The following GABRB2 variants were observed in gnomAD, a reference collection of about 807,000 sequenced individuals.
GABRB2 encodes gamma-aminobutyric acid receptor subunit beta-2.
In GABRB2, 16 loss-of-function variants were observed where a neutral mutation model predicts 54.7. The ratio of observed to expected loss-of-function variants is 0.29; its 90% CI spans 0.20 to 0.44. The LOEUF is 0.44. Among genes scored for constraint, GABRB2 ranks in the 20% least tolerant of loss-of-function variants. The pLI, the probability that GABRB2 is intolerant of heterozygous loss-of-function variation, is 1.00. For missense variants in GABRB2, 355 were observed against 644.0 expected, an observed-to-expected ratio of 0.55 and a Z score of 4.86; for synonymous variants, 244 against 233.8, an observed-to-expected ratio of 1.04 and a Z score of -0.40.
intron 5 of GABRB2, among the ~76,000 whole-genome samples, chr5:161,364,103 G>A (rs1447753773): frequency 6.6e-6 from 1 of 152,068 alleles, no homozygotes; most frequent in African/African-American, 2.4e-5. Context: ...ACATGTGCAA[G>A]TTATAGTATT....
intron 5 of GABRB2, among the ~76,000 whole-genome samples, chr5:161,352,017 T>C (rs531147396): frequency 6.6e-6 from 1 of 152,138 alleles, no homozygotes; most frequent in South Asian, 2.1e-4. Context: ...ACTTCATGCC[T>C]GTTAGGATGG....
At chr5:161,496,658 A>T (rs1759258312) in intron 3 of GABRB2, among the ~76,000 whole-genome samples, 1 of 152,080 alleles carries the variant, frequency 6.6e-6, no homozygotes, top group South Asian at 2.1e-4. Flanking sequence ...ACCTTACTAA[A>T]TGTGATATTT....
At chr5:161,440,447 A>T (rs1000837169) in intron 4 of GABRB2, among the ~76,000 whole-genome samples, 3 of 152,154 alleles carry the variant, frequency 2.0e-5, no homozygotes, top group Non-Finnish European at 4.4e-5. Flanking sequence ...AGCTATACTT[A>T]TACCCGACAA....
At position 161,507,895 on chromosome 5, in the gene GABRB2, G is replaced by A. The variant is rs76780036; in HGVS notation, c.237+37332C>T. Among the ~76,000 whole-genome samples the A allele has an allele frequency of 4.9e-3, 741 of 151,982 alleles. 5 individuals carry two copies. Among genetic ancestry groups the A allele is most frequent in the South Asian group, 8.3e-3 (40 of 4,820 alleles). ...AGAGCAACCCAAATTTCCATACATCGTTGGTGACAGTGAAAATGAAGGGAC... is the reference window on the plus strand; with the variant it reads ...AGAGCAACCCAAATTTCCATACATCATTGGTGACAGTGAAAATGAAGGGAC... On this transcript the variant is annotated intron_variant, in intron 3 of 9. Coordinates refer to ENST00000393959, the MANE Select transcript of GABRB2 (RefSeq NM_001371727.1).
At chr5:161,315,669 A>T (rs1362854392) in intron 9 of GABRB2, among the ~76,000 whole-genome samples, 1 of 152,116 alleles carries the variant, frequency 6.6e-6, no homozygotes, top group Non-Finnish European at 1.5e-5. Flanking sequence ...ATTATTTGTT[A>T]TAGATACATA....
intron 7 of GABRB2, among the ~76,000 whole-genome samples, chr5:161,333,509 C>T (rs1004800829): frequency 6.6e-6 from 1 of 152,182 alleles, no homozygotes; most frequent in Admixed American, 6.5e-5. Context: ...AACCCAGTAG[C>T]CGAAGTGATC....
At chr5:161,516,226 T>C (rs946813257) in intron 3 of GABRB2, among the ~76,000 whole-genome samples, 2 of 152,238 alleles carry the variant, frequency 1.3e-5, no homozygotes, top group African/African-American at 4.8e-5. Context: ...ATACATATAT[T>C]GACCATCAAT....
At chr5:161,330,715 G>T in intron 8 of GABRB2, 168 bp downstream of exon 8, 4 of 885,032 alleles carry the variant, frequency 4.5e-6, no homozygotes, top group Middle Eastern at 3.6e-4. Context: ...TCATGAGTTT[G>T]GTCCCTAATT....
chr5:161,455,552 A>T (rs1438407048), intron 4 of GABRB2, among the ~76,000 whole-genome samples: 1 of 142,818 alleles, frequency 7.0e-6, no homozygotes, highest in Non-Finnish European at 1.5e-5. Context: ...TTTTTTTGAG[A>T]CAGGGTACGG....
intron 3 of GABRB2, among the ~76,000 whole-genome samples, chr5:161,506,843 T>G (rs1457036740): frequency 6.6e-6 from 1 of 152,062 alleles, no homozygotes; most frequent in Non-Finnish European, 1.5e-5. Flanking sequence ...TGAGAAAAGG[T>G]CAATCTTTGT....
intron 4 of GABRB2, 171 bp downstream of exon 4, chr5:161,459,453 C>A (rs1335732863): frequency 4.8e-6 from 3 of 628,478 alleles, no homozygotes; most frequent in Non-Finnish European, 8.5e-6. Flanking sequence ...AGGTTAAGTT[C>A]CTTTGTAAGC....
At chr5:161,442,104 G>T (rs746192161) in intron 4 of GABRB2, among the ~76,000 whole-genome samples, 6 of 152,068 alleles carry the variant, frequency 3.9e-5, no homozygotes, top group Non-Finnish European at 8.8e-5. Flanking sequence ...AATGTAATTG[G>T]ATTGCTTGTA....
intron 5 of GABRB2, among the ~76,000 whole-genome samples, chr5:161,363,710 A>G (rs1291697953): frequency 1.3e-5 from 2 of 152,062 alleles, no homozygotes; most frequent in African/African-American, 4.8e-5. Context: ...TCAAAAAAAC[A>G]AAAAGAAACA....
At chr5:161,426,103 C>T (rs914217627) in intron 4 of GABRB2, among the ~76,000 whole-genome samples, 2 of 152,006 alleles carry the variant, frequency 1.3e-5, no homozygotes, top group Admixed American at 6.6e-5. Context: ...GGTAAAGGAA[C>T]GTAAGTTTGT....
intron 5 of GABRB2, among the ~76,000 whole-genome samples, chr5:161,387,306 C>T (rs1755674813): frequency 1.3e-5 from 2 of 152,154 alleles, no homozygotes; most frequent in South Asian, 4.1e-4. Flanking sequence ...TCCTGGCAGG[C>T]TCTCACCCAA....
chr5:161,531,732 T>TA lies in GABRB2; in HGVS notation c.237+13494dup, dbSNP rs1187170608. Among the ~76,000 whole-genome samples the TA allele has an allele frequency of 5.2e-4, 77 of 148,436 alleles. 1 individual carries two copies. The highest frequency in any genetic ancestry group is 2.5e-3 in the Admixed American group (37 of 14,860). On this transcript the variant is annotated intron_variant, in intron 3 of 9. Transcript: ENST00000393959. ...TCACTATATTTTTTCTATGAGAAAT[T>TA]AAAAAAAAAACCTCAAAACTGGTGT...
intron 3 of GABRB2, among the ~76,000 whole-genome samples, chr5:161,472,889 T>C (rs1353965777): frequency 6.6e-6 from 1 of 151,914 alleles, no homozygotes; most frequent in Non-Finnish European, 1.5e-5. Flanking sequence ...CCATTAAAAA[T>C]TAACTTTTTT....
intron 4 of GABRB2, among the ~76,000 whole-genome samples, chr5:161,422,283 T>C (rs1314638236): frequency 6.6e-6 from 1 of 152,094 alleles, no homozygotes; most frequent in Non-Finnish European, 1.5e-5. Context: ...TAGGTATATA[T>C]GTATATATAG....
chr5:161,517,799 ATT>A lies in GABRB2; in HGVS notation c.237+27426_237+27427del, dbSNP rs35731363. Among the ~76,000 whole-genome samples the A allele has an allele frequency of 8.7e-4, 126 of 144,344 alleles. 1 individual carries two copies. The highest frequency in any genetic ancestry group is 2.8e-3 in the African/African-American group (110 of 39,862). The allele number at this position is 144,344 out of a possible 152,430, so 94.7% of individuals were successfully genotyped here. A position where few individuals can be genotyped will look rare whatever the true frequency, so the allele number is the denominator to read the frequency against. Reference sequence around the variant, plus strand: ...AAGGAAGTGCAACTGAAAATTTCTGATTTTTTTTTTTTTTTGAGACAGAGTCT... The same window carrying A: ...AAGGAAGTGCAACTGAAAATTTCTGATTTTTTTTTTTTTGAGACAGAGTCT... On this transcript the variant is annotated intron_variant, in intron 3 of 9. Coordinates refer to ENST00000393959, the MANE Select transcript of GABRB2 (RefSeq NM_001371727.1).
Sources: allele counts gnomAD v4.1 joint callset (sites outside exome capture counted in the v4.1 genomes callset), GRCh38; gene constraint gnomAD v4.1.1; transcripts MANE v1.5; gene names NCBI Gene and HGNC (gene_info 2026-07-23, HGNC 2026-07-21).